OTUD7A: variants seen among roughly 807,000 people sequenced by gnomAD.
OTUD7A encodes OTU deubiquitinase 7A.
In OTUD7A, 12 loss-of-function variants were observed where a neutral mutation model predicts 65.7. The observed-to-expected ratio is 0.18, with a 90% confidence interval of 0.12 to 0.30. The LOEUF is 0.30. OTUD7A is among the 10% of genes least tolerant of loss of function. The pLI is 1.00. For missense variants in OTUD7A, 1,148 were observed against 1,304.8 expected, an observed-to-expected ratio of 0.88 and a Z score of 1.85; for synonymous variants, 641 against 586.3, an observed-to-expected ratio of 1.09 and a Z score of -1.35.
At chr15:31,520,300 A>G (rs1043282842) in intron 8 of OTUD7A, among the ~76,000 whole-genome samples, 5 of 152,234 alleles carry the variant, frequency 3.3e-5, no homozygotes, top group African/African-American at 1.2e-4. Flanking sequence ...ACATAGATCA[A>G]TGGAACAGAA....
intron 3 of OTUD7A, among the ~76,000 whole-genome samples, chr15:31,597,848 G>C (rs751956870): frequency 6.6e-6 from 1 of 152,208 alleles, no homozygotes; most frequent in African/African-American, 2.4e-5. Context: ...AAGGGGCATA[G>C]AGCCTGGGCT....
At chr15:31,537,280 A>C (rs1887834761) in intron 5 of OTUD7A, among the ~76,000 whole-genome samples, 1 of 152,236 alleles carries the variant, frequency 6.6e-6, no homozygotes, top group Admixed American at 6.5e-5. Flanking sequence ...TTTTTGGTTA[A>C]GATTCAGTGA....
chr15:31,821,133 CTTTTTTTTTT>C (rs35732957), intron 1 of OTUD7A, among the ~76,000 whole-genome samples: 2 of 97,466 alleles, frequency 2.1e-5, no homozygotes, highest in African/African-American at 8.3e-5. Flanking sequence ...TTTTTCATTT[CTTTTTTTTTT>C]TTTTTTTTTT....
At chr15:31,842,019 T>C (rs1047411455) in intron 1 of OTUD7A, among the ~76,000 whole-genome samples, 4 of 152,242 alleles carry the variant, frequency 2.6e-5, no homozygotes, top group Non-Finnish European at 1.5e-5. Context: ...ACCACCTGCA[T>C]GCCCATCAAC....
At chr15:31,798,368 G>A (rs62002717) in intron 1 of OTUD7A, among the ~76,000 whole-genome samples, 152 of 152,258 alleles carry the variant, frequency 1.0e-3, no homozygotes, top group Non-Finnish European at 1.7e-3. Context: ...AAGTGTTTGT[G>A]GTGTGCTCCC....
chr15:31,763,443 A>G (rs916058332), intron 1 of OTUD7A, among the ~76,000 whole-genome samples: 1 of 152,234 alleles, frequency 6.6e-6, no homozygotes, highest in African/African-American at 2.4e-5. Context: ...GAGATAGCAG[A>G]GGAAAGTCAC....
chr15:31,595,919 C>T (rs1889891215), intron 3 of OTUD7A, among the ~76,000 whole-genome samples: 1 of 152,064 alleles, frequency 6.6e-6, no homozygotes, highest in Admixed American at 6.6e-5. Context: ...ATCCCCAAGC[C>T]AGCAATGACT....
chr15:31,674,955 G>A (rs7178118), intron 1 of OTUD7A, among the ~76,000 whole-genome samples: 8,650 of 152,092 alleles, frequency 0.057, 835 homozygotes, highest in African/African-American at 0.2. Flanking sequence ...CAGTCCACCC[G>A]TGGACTTCTT....
At chr15:31,777,583 G>C (rs998916780) in intron 1 of OTUD7A, among the ~76,000 whole-genome samples, 7 of 152,290 alleles carry the variant, frequency 4.6e-5, no homozygotes, top group Admixed American at 4.6e-4. Context: ...CACCAGCACA[G>C]AGCAGGCAGT....
At chr15:31,726,453 T>C (rs1412347417) in intron 1 of OTUD7A, among the ~76,000 whole-genome samples, 1 of 151,382 alleles carries the variant, frequency 6.6e-6, no homozygotes, top group African/African-American at 2.4e-5. Context: ...CCTTGAACAG[T>C]GTAGCTAAGA....
In OTUD7A at chr15:31,655,034, T is replaced by A. The variant is rs1891947615; in HGVS notation, c.151+62A>T. On this transcript the variant is annotated intron_variant, in intron 3 of 12. Transcript: ENST00000307050. Reference sequence around the variant, plus strand: ...CCACTGTCATCAGGTATTGGAAATCTTCTTATTTGGAAGGTGGTTATGCCC... The same window carrying A: ...CCACTGTCATCAGGTATTGGAAATCATCTTATTTGGAAGGTGGTTATGCCC... 1.9e-6 allele frequency: 3 copies of A among 1,543,276 alleles called. No individual in the cohort carries two copies. The East Asian group carries it at 6.9e-5, about 35-fold the overall frequency.
At chr15:31,743,579 A>G (rs1339025708) in intron 1 of OTUD7A, among the ~76,000 whole-genome samples, 3 of 152,096 alleles carry the variant, frequency 2.0e-5, no homozygotes, top group Non-Finnish European at 4.4e-5. Context: ...GAAAGAAGGA[A>G]AAAAGAAAGG....
intron 3 of OTUD7A, among the ~76,000 whole-genome samples, chr15:31,571,119 C>A (rs760007863): frequency 2.6e-5 from 4 of 152,002 alleles, no homozygotes; most frequent in African/African-American, 9.7e-5. Flanking sequence ...ACATTGTAGG[C>A]TGGTATCAAA....
intron 3 of OTUD7A, among the ~76,000 whole-genome samples, chr15:31,575,581 G>C (rs576604905): frequency 2.6e-5 from 4 of 152,280 alleles, no homozygotes; most frequent in Admixed American, 6.5e-5. Flanking sequence ...CATCCACCAT[G>C]GGTTGACTGA....
At chr15:31,537,519 G>C (rs2141130885) in intron 5 of OTUD7A, among the ~76,000 whole-genome samples, 1 of 152,308 alleles carries the variant, frequency 6.6e-6, no homozygotes, top group African/African-American at 2.4e-5. Context: ...ACTACCACTG[G>C]ATGGACCGTT....
intron 1 of OTUD7A, among the ~76,000 whole-genome samples, chr15:31,855,409 A>G (rs1199332696): frequency 1.3e-5 from 2 of 152,192 alleles, no homozygotes; most frequent in African/African-American, 2.4e-5. Flanking sequence ...TTCAAGTTTG[A>G]GTGTGCCATG....
chr15:31,530,690 T>C lies in OTUD7A; in HGVS notation c.652+17A>G. On this transcript the variant is annotated intron_variant, in intron 6 of 12. Coordinates refer to ENST00000307050, the MANE Select transcript of OTUD7A (RefSeq NM_001382637.1). The stretch of plus-strand genomic sequence containing the variant: ...GCCTGGAGCCTGGCCACCCTCTGTC[T>C]GTGCTGTGGAGCTTACCCAGTGAAG... 6.2e-7 allele frequency: 1 copy of C among 1,610,952 alleles called. No individual in the cohort carries two copies. Among genetic ancestry groups the C allele is most frequent in the Non-Finnish European group, 8.5e-7 (1 of 1,177,838 alleles).
chr15:31,623,618 G>A (rs563989819), intron 3 of OTUD7A, among the ~76,000 whole-genome samples: 8 of 152,338 alleles, frequency 5.3e-5, no homozygotes, highest in African/African-American at 1.4e-4. Flanking sequence ...TTGGAAAAGC[G>A]CAGTATTAGG....
chr15:31,565,063 C>T (rs2141166001), intron 4 of OTUD7A, among the ~76,000 whole-genome samples: 1 of 152,206 alleles, frequency 6.6e-6, no homozygotes. Context: ...AAGGATGAAA[C>T]TCAGAGAAGA....
Sources: gnomAD v4.1 joint callset for allele counts (sites outside exome capture counted in the v4.1 genomes callset) on GRCh38, gnomAD v4.1.1 for gene constraint, MANE v1.5 for transcripts, NCBI Gene and HGNC (gene_info 2026-07-23, HGNC 2026-07-21) for gene names.